DCAF12: variants seen among roughly 807,000 people sequenced by gnomAD.
The protein encoded by DCAF12 is DDB1 and CUL4 associated factor 12.
In DCAF12, 28 loss-of-function variants were observed where a neutral mutation model predicts 52.8. The observed-to-expected ratio is 0.53, with a 90% CI of 0.39 to 0.73. The LOEUF (loss-of-function observed/expected upper bound fraction) is 0.73. Ranked by LOEUF, DCAF12 falls within the 30% of genes least tolerant of loss-of-function variation. The probability of loss-of-function intolerance (pLI) is 0.00; values close to 1 mark genes in which losing one functional copy is unlikely to be tolerated. For missense variants in DCAF12, 425 were observed against 552.2 expected (o/e 0.77, Z 2.31); for synonymous variants, 196 against 215.5 (o/e 0.91, Z 0.79).
At position 34,125,251 on chromosome 9, in the gene DCAF12, T is replaced by G. The variant is rs1829230083; in HGVS notation, c.105A>C (p.Lys35Asn). 5.6e-6 allele frequency: 9 copies of G among 1,614,138 alleles called. No homozygotes were observed. In the East Asian group the frequency reaches 2.0e-4, roughly 36 times the overall value. ...TCTTCACAGGAGGAAGTCTTTTCCT[T>G]TTGTGAAGCGAGTGATCCCAGCCAA... The part of the protein sequence containing the change: ...PQFGWDHSLH[K>N]RKRLPPVKRS... The change falls in exon 2 of 9, where the codon AAA becomes AAC. Residue 35 changes from lysine (K) to asparagine (N), a missense_variant. Physicochemically the swap from Lys to Asn is moderately conservative, Grantham distance 94. Transcript: ENST00000361264.
chr9:34,124,921 C>T, intron 2 of DCAF12, 102 bp downstream of exon 2: 1 of 1,434,884 alleles, frequency 7.0e-7, no homozygotes, highest in South Asian at 1.3e-5. Flanking sequence ...AAGGCAAGTC[C>T]CTCCTAAAAG....
chr9:34,092,177 T>C (rs1828654910), intron 7 of DCAF12, among the ~76,000 whole-genome samples: 1 of 152,226 alleles, frequency 6.6e-6, no homozygotes, highest in African/African-American at 2.4e-5. Context: ...AGGTTTGTCA[T>C]ACAATATACG....
intron 5 of DCAF12, among the ~76,000 whole-genome samples, chr9:34,097,020 A>G (rs1465976890): frequency 2.0e-5 from 3 of 152,112 alleles, no homozygotes; most frequent in Non-Finnish European, 2.9e-5. Flanking sequence ...TCACTATGCT[A>G]TCACTCCCTC....
At chr9:34,106,411 T>C (rs773165467) in intron 4 of DCAF12, 23 bp downstream of exon 4, 73 of 1,586,714 alleles carry the variant, frequency 4.6e-5, no homozygotes, top group Non-Finnish European at 5.9e-5. Flanking sequence ...CATCAAAAGC[T>C]CCCTATAAAA....
At chr9:34,091,345 AAG>A (rs1416732698) in intron 7 of DCAF12, among the ~76,000 whole-genome samples, 1 of 151,902 alleles carries the variant, frequency 6.6e-6, no homozygotes, top group Non-Finnish European at 1.5e-5. Flanking sequence ...AACAACAAAA[AAG>A]AAATAGCTGG....
intron 2 of DCAF12, among the ~76,000 whole-genome samples, chr9:34,116,862 C>T (rs7846909): frequency 0.014 from 2,153 of 152,178 alleles, 32 homozygotes; most frequent in African/African-American, 0.043. Flanking sequence ...GTGTGTAATC[C>T]CAGCTACTCG....
intron 7 of DCAF12, among the ~76,000 whole-genome samples, chr9:34,090,548 G>T (rs780415826): frequency 6.6e-6 from 1 of 152,106 alleles, no homozygotes; most frequent in African/African-American, 2.4e-5. Flanking sequence ...ATAAGAACTG[G>T]ATAATATTTG....
chr9:34,120,664 G>A lies in DCAF12; in HGVS notation c.333+4359C>T, dbSNP rs1233497622. On this transcript the variant is annotated intron_variant, in intron 2 of 8. Transcript: ENST00000361264. The stretch of plus-strand genomic sequence containing the variant: ...CAGCCTTGGCAACACAGCAAGACGC[G>A]GTCTCAAAAAAAAAAAAAAAAAAGA... 1.2e-4 allele frequency among the ~76,000 whole-genome samples: 13 copies of A among 112,156 alleles called. No homozygotes were observed. The East Asian group carries it at 2.3e-3, about 20-fold the overall frequency. The allele number at this position is 112,156 out of a possible 152,430, so 73.6% of individuals were successfully genotyped here. A position where few individuals can be genotyped will look rare whatever the true frequency, so the allele number is the denominator to read the frequency against.
chr9:34,114,704 T>C (rs1240496523), intron 2 of DCAF12, among the ~76,000 whole-genome samples: 1 of 152,054 alleles, frequency 6.6e-6, no homozygotes. Context: ...GTTTACATTC[T>C]AGGATGGGGG....
At chr9:34,124,955 G>GT in intron 2 of DCAF12, 68 bp downstream of exon 2, 1 of 1,566,210 alleles carries the variant, frequency 6.4e-7, no homozygotes, top group Non-Finnish European at 8.7e-7. Context: ...AACTAGCAGA[G>GT]GTTCTAGAGC....
intron 7 of DCAF12, 61 bp downstream of exon 7, chr9:34,093,225 T>C: frequency 6.3e-7 from 1 of 1,594,036 alleles, no homozygotes; most frequent in Non-Finnish European, 8.6e-7. Flanking sequence ...ACAAAGAAAC[T>C]GAAAGTCAGA....
rs146841130 is a variant in DCAF12, at chr9:34,121,422, C to T, written c.333+3601G>A. On this transcript the variant is annotated intron_variant, in intron 2 of 8. Coordinates refer to ENST00000361264, the MANE Select transcript of DCAF12 (RefSeq NM_015397.4). ...TGTAACTCCTTTCCAGCACTCTTAC[C>T]GAGAGGTCCCTCGCTCTCTTATGGT... Among the ~76,000 whole-genome samples the T allele has an allele frequency of 7.5e-3, 1,138 of 152,232 alleles. 15 individuals are homozygous for T. The highest frequency in any genetic ancestry group is 0.026 in the African/African-American group (1,075 of 41,528).
chr9:34,112,851 T>C (rs1438240888), intron 2 of DCAF12, among the ~76,000 whole-genome samples: 1 of 151,994 alleles, frequency 6.6e-6, no homozygotes, highest in African/African-American at 2.4e-5. Context: ...TAAGCTGAGA[T>C]CACGCCATTG....
Position 34,125,240 on chromosome 9 carries a change from A to G in DCAF12, c.116T>C (p.Leu39Pro). 10 of 1,614,174 alleles carry G rather than the reference A, an allele frequency of 6.2e-6. No individual in the cohort carries two copies. Among genetic ancestry groups the G allele is most frequent in the Non-Finnish European group, 7.6e-6 (9 of 1,180,030 alleles). Reference sequence around the variant, plus strand: ...TACTAAGGATCTCTTCACAGGAGGAAGTCTTTTCCTTTTGTGAAGCGAGTG... The same window carrying G: ...TACTAAGGATCTCTTCACAGGAGGAGGTCTTTTCCTTTTGTGAAGCGAGTG... ...WDHSLHKRKR[L>P]PPVKRSLVYY... Residue 39 changes from leucine to proline, a missense_variant, in exon 2 of 9, where the codon CTT (leucine) becomes CCT (proline). By Grantham distance (98) the Leu-to-Pro change is moderately conservative (BLOSUM62 -3). Around this residue, in one of 3 missense-constraint regions of DCAF12, gnomAD observed 89 missense variants for 84.9 expected, o/e 1.05. Transcript: ENST00000361264.
intron 4 of DCAF12, among the ~76,000 whole-genome samples, chr9:34,100,106 C>G (rs1421576192): frequency 6.6e-6 from 1 of 151,944 alleles, no homozygotes; most frequent in Admixed American, 6.6e-5. Flanking sequence ...ACAATCATAG[C>G]TCACTGCAGG....
chr9:34,109,968 G>A (rs1020636536), intron 2 of DCAF12: 1 of 179,456 alleles, frequency 5.6e-6, no homozygotes, highest in African/African-American at 2.4e-5. Context: ...GCATTACACT[G>A]GATACATATA....
chr9:34,089,372 G>A (rs199814057), intron 8 of DCAF12, 40 bp downstream of exon 8: 364 of 1,548,512 alleles, frequency 2.4e-4, no homozygotes, highest in Non-Finnish European at 3.0e-4. Context: ...TAATTTTTCT[G>A]TTACTGTGTA....
intron 4 of DCAF12, among the ~76,000 whole-genome samples, chr9:34,105,877 C>T (rs1054267529): frequency 1.3e-5 from 2 of 150,240 alleles, no homozygotes; most frequent in South Asian, 2.1e-4. Flanking sequence ...GTCTCCTGAG[C>T]AGCTGGGACT....
intron 4 of DCAF12, 127 bp from the exon 5 acceptor site, chr9:34,098,644 C>T (rs1397261385): frequency 1.1e-6 from 1 of 920,146 alleles, no homozygotes; most frequent in Non-Finnish European, 1.6e-6. Flanking sequence ...GAAGCTTGGC[C>T]AGATGGCCCA....
Sources: allele counts gnomAD v4.1 joint callset (sites outside exome capture counted in the v4.1 genomes callset), GRCh38; gene constraint gnomAD v4.1.1; regional missense constraint gnomAD v4.1.1; transcripts MANE v1.5; gene names NCBI Gene and HGNC (gene_info 2026-07-23, HGNC 2026-07-21).